Variants in TBL1X observed in about 807,000 individuals in gnomAD.
TBL1X encodes the protein transducin beta like 1 X-linked.
TBL1X carries 10 observed loss-of-function variants against 50.7 expected under a neutral mutation model. The observed-to-expected ratio is 0.20, with a 90% CI of 0.12 to 0.33. TBL1X has a LOEUF of 0.33. Among genes scored for constraint, TBL1X ranks in the 10% least tolerant of loss-of-function variants. The pLI, the probability that TBL1X is intolerant of heterozygous loss-of-function variation, is 1.00. For missense variants in TBL1X, 340 were observed against 504.4 expected (o/e 0.67, Z 3.12); for synonymous variants, 190 against 214.7 (o/e 0.88, Z 1.01).
intron 5 of TBL1X, among the ~76,000 whole-genome samples, chrX:9,676,597 G>A (rs1204519275): frequency 1.8e-5 from 2 of 112,054 alleles, no homozygotes; most frequent in African/African-American, 3.3e-5. Context: ...GACGCCGTCC[G>A]AGGCAGCTTC....
chrX:9,479,938 A>ATGTGTGTG (rs112927270), intron 1 of TBL1X, among the ~76,000 whole-genome samples: 13 of 94,993 alleles, frequency 1.4e-4, no homozygotes, highest in Middle Eastern at 5.6e-3. Context: ...GGAAAGTAGA[A>ATGTGTGTG]TGTGTGTGTG....
At chrX:9,657,655 T>A (rs755149056) in intron 5 of TBL1X, among the ~76,000 whole-genome samples, 37 of 112,696 alleles carry the variant, frequency 3.3e-4, no homozygotes, top group Middle Eastern at 9.1e-3. Context: ...TCCCTACCTG[T>A]GTGGATTAGT....
chrX:9,618,441 C>T (rs956808404), intron 2 of TBL1X, among the ~76,000 whole-genome samples: 25 of 111,856 alleles, frequency 2.2e-4, no homozygotes, highest in South Asian at 1.1e-3. Flanking sequence ...TTTGGGAGGC[C>T]GAGACGGGTG....
chrX:9,707,492 C>T (rs1197776490), intron 13 of TBL1X, among the ~76,000 whole-genome samples: 1 of 112,491 alleles, frequency 8.9e-6, no homozygotes, highest in Non-Finnish European at 1.9e-5. Context: ...GCTGATGGCC[C>T]TGAACAAAGC....
chrX:9,590,896 G>T (rs1390784757), intron 2 of TBL1X, among the ~76,000 whole-genome samples: 1 of 108,177 alleles, frequency 9.2e-6, no homozygotes, highest in Non-Finnish European at 1.9e-5. Flanking sequence ...GAGTTGGCAT[G>T]TCCCACAGAA....
At chrX:9,712,188 G>GA (rs1218854642) in intron 16 of TBL1X, among the ~76,000 whole-genome samples, 6 of 112,829 alleles carry the variant, frequency 5.3e-5, no homozygotes, top group Middle Eastern at 4.6e-3. Context: ...TAGAAGGTGG[G>GA]AGTGGGGGAC....
At chrX:9,615,729 C>A (rs1377721129) in intron 2 of TBL1X, among the ~76,000 whole-genome samples, 2 of 111,866 alleles carry the variant, frequency 1.8e-5, no homozygotes, top group Non-Finnish European at 3.8e-5. Flanking sequence ...ATTTTCACCC[C>A]CTTTCCCATC....
intron 2 of TBL1X, among the ~76,000 whole-genome samples, chrX:9,539,148 C>G (rs779527247): frequency 3.6e-5 from 4 of 112,203 alleles, no homozygotes; most frequent in Non-Finnish European, 7.5e-5. Context: ...CAAGGAACAT[C>G]TAGGCACATT....
intron 5 of TBL1X, among the ~76,000 whole-genome samples, chrX:9,679,676 G>A (rs1483277779): frequency 8.9e-6 from 1 of 112,067 alleles, no homozygotes; most frequent in Non-Finnish European, 1.9e-5. Context: ...GAAGAGATGT[G>A]TTCAGAGATG....
chrX:9,535,496 G>A (rs1392600888), intron 2 of TBL1X, among the ~76,000 whole-genome samples: 1 of 112,272 alleles, frequency 8.9e-6, no homozygotes, highest in African/African-American at 3.2e-5. Context: ...ATACCTGATC[G>A]TGAAAGTCTT....
At chrX:9,483,614 C>A (rs746531575) in intron 1 of TBL1X, among the ~76,000 whole-genome samples, 1 of 111,193 alleles carries the variant, frequency 9.0e-6, no homozygotes, top group Non-Finnish European at 1.9e-5. Flanking sequence ...CCTCCCTCCC[C>A]CTGAAGCCTG....
intron 3 of TBL1X, among the ~76,000 whole-genome samples, chrX:9,650,353 T>TC (rs1448324321): frequency 8.9e-5 from 10 of 111,897 alleles, no homozygotes; most frequent in African/African-American, 2.6e-4. Context: ...GCTTTTTTTT[T>TC]TCCCCCAGAG....
At chrX:9,475,086 C>G (rs2146927382) in intron 1 of TBL1X, among the ~76,000 whole-genome samples, 1 of 111,853 alleles carries the variant, frequency 8.9e-6, no homozygotes, top group Non-Finnish European at 1.9e-5. Context: ...GTTGGCCAGG[C>G]TGGTCTCGAA....
intron 2 of TBL1X, among the ~76,000 whole-genome samples, chrX:9,580,808 C>T (rs1193132956): frequency 1.8e-5 from 2 of 111,634 alleles, no homozygotes; most frequent in South Asian, 3.8e-4. Context: ...AATGTCTGGG[C>T]TACCTTAAGA....
intron 2 of TBL1X, among the ~76,000 whole-genome samples, chrX:9,634,367 C>T (rs1204217388): frequency 1.7e-4 from 19 of 111,345 alleles, no homozygotes; most frequent in Admixed American, 1.6e-3. Context: ...TGGAAACCAC[C>T]ACTGCCGTCG....
At chrX:9,540,206 T>C (rs909398264) in intron 2 of TBL1X, among the ~76,000 whole-genome samples, 1 of 112,359 alleles carries the variant, frequency 8.9e-6, no homozygotes, top group African/African-American at 3.2e-5. Flanking sequence ...ATTTGGGTTC[T>C]AGAGGGTTTA....
chrX:9,534,277 T>C (rs5979109), intron 2 of TBL1X, among the ~76,000 whole-genome samples: 3,554 of 111,170 alleles, frequency 0.032, 174 homozygotes, highest in African/African-American at 0.11. Context: ...GAAAACTGGG[T>C]TTGTGAGGCT....
chrX:9,661,234 A>G (rs2082896775), intron 5 of TBL1X, among the ~76,000 whole-genome samples: 1 of 112,779 alleles, frequency 8.9e-6, no homozygotes, highest in African/African-American at 3.2e-5. Context: ...TGAAGCTTCC[A>G]TGCCAAGAAA....
At chrX:9,614,569 A>G (rs28464545) in intron 2 of TBL1X, among the ~76,000 whole-genome samples, 1,842 of 111,541 alleles carry the variant, frequency 0.017, 49 homozygotes, top group African/African-American at 0.057. Context: ...TCAAGAAAAC[A>G]AAACAAAAAA....
Sources: gnomAD v4.1 joint callset for allele counts (sites outside exome capture counted in the v4.1 genomes callset) on GRCh38, gnomAD v4.1.1 for gene constraint, MANE v1.5 for transcripts, NCBI Gene and HGNC (gene_info 2026-07-23, HGNC 2026-07-21) for gene names.